The following TAB2 variants were observed in gnomAD, a reference collection of about 807,000 sequenced individuals.
TAB2 encodes the protein TGF-beta activated kinase 1 (MAP3K7) binding protein 2.
Under a neutral mutation model 65.0 loss-of-function variants are expected in TAB2, and 3 were observed. The observed-to-expected ratio is 0.05, with a 90% CI of 0.02 to 0.12. The LOEUF is 0.12. TAB2 is among the 10% of genes least tolerant of loss of function. The pLI is 1.00. For synonymous variants in TAB2, 298 were observed against 285.1 expected (o/e 1.05, Z -0.46); for missense variants, 623 against 840.3 (o/e 0.74, Z 3.20).
intron 1 of TAB2, among the ~76,000 whole-genome samples, chr6:149,326,354 A>G (rs925766152): frequency 5.9e-5 from 9 of 152,008 alleles, no homozygotes; most frequent in African/African-American, 1.9e-4. Flanking sequence ...TGTAGTGTAT[A>G]TACATGAAAT....
chr6:149,307,836 A>T (rs1305219552), intron 1 of TAB2, among the ~76,000 whole-genome samples: 1 of 152,210 alleles, frequency 6.6e-6, no homozygotes, highest in Non-Finnish European at 1.5e-5. Context: ...AGGTACAAAG[A>T]ATAAAACAAA....
At chr6:149,286,058 T>C (rs1244602523) in intron 1 of TAB2, among the ~76,000 whole-genome samples, 7 of 152,228 alleles carry the variant, frequency 4.6e-5, no homozygotes, top group Admixed American at 4.6e-4. Flanking sequence ...AGTGTTTCTT[T>C]AAAATAATTT....
chr6:149,254,703 G>A (rs746967638), intron 1 of TAB2, among the ~76,000 whole-genome samples: 16 of 152,162 alleles, frequency 1.1e-4, no homozygotes, highest in South Asian at 4.1e-4. Flanking sequence ...TAAACTGGAC[G>A]AGAAAGAGAA....
intron 1 of TAB2, among the ~76,000 whole-genome samples, chr6:149,265,435 T>G (rs796766018): frequency 1.8e-4 from 28 of 152,302 alleles, no homozygotes; most frequent in African/African-American, 6.7e-4. Context: ...CTTTCTCAGC[T>G]TCCCACAATT....
At chr6:149,343,522 T>C (rs981900773) in intron 1 of TAB2, among the ~76,000 whole-genome samples, 1 of 151,968 alleles carries the variant, frequency 6.6e-6, no homozygotes, top group African/African-American at 2.4e-5. Flanking sequence ...AAATTAGACA[T>C]ATTATTTCTG....
At chr6:149,377,162 C>T (rs1392262242) in intron 2 of TAB2, among the ~76,000 whole-genome samples, 1 of 151,266 alleles carries the variant, frequency 6.6e-6, no homozygotes, top group Non-Finnish European at 1.5e-5. Context: ...CTCCGCCTCC[C>T]AGGTTCACGC....
At chr6:149,318,701 G>C (rs1247607637) in intron 1 of TAB2, 3 of 152,350 alleles carry the variant, frequency 2.0e-5, no homozygotes, top group African/African-American at 7.2e-5. Context: ...TGGCGGTGCT[G>C]AACAGGTGAC....
intron 6 of TAB2, among the ~76,000 whole-genome samples, chr6:149,404,089 C>T (rs930162945): frequency 6.6e-6 from 1 of 152,026 alleles, no homozygotes; most frequent in African/African-American, 2.4e-5. Flanking sequence ...CTGAAGACTC[C>T]ACCAAAAACT....
At chr6:149,305,612 A>G (rs1779054151) in intron 1 of TAB2, among the ~76,000 whole-genome samples, 2 of 151,946 alleles carry the variant, frequency 1.3e-5, no homozygotes, top group Non-Finnish European at 2.9e-5. Flanking sequence ...AAAAAAAACA[A>G]TAGAACACAA....
At chr6:149,294,774 A>G (rs1048616266) in intron 1 of TAB2, among the ~76,000 whole-genome samples, 2 of 152,238 alleles carry the variant, frequency 1.3e-5, no homozygotes, top group African/African-American at 4.8e-5. Context: ...GGAAAGGCAC[A>G]GTAGACCTGG....
intron 1 of TAB2, among the ~76,000 whole-genome samples, chr6:149,324,134 C>T (rs1308778955): frequency 2.0e-5 from 3 of 151,892 alleles, no homozygotes; most frequent in African/African-American, 7.3e-5. Context: ...CAAAAACCGG[C>T]CTAGTACCAG....
intron 1 of TAB2, among the ~76,000 whole-genome samples, chr6:149,254,002 GAAAGA>G (rs1777931221): frequency 7.1e-6 from 1 of 140,490 alleles, no homozygotes; most frequent in African/African-American, 2.7e-5. Context: ...AAGAAAGAAA[GAAAGA>G]AAGAAAGAAA....
At chr6:149,402,406 G>C (rs1159652701) in intron 6 of TAB2, among the ~76,000 whole-genome samples, 2 of 152,106 alleles carry the variant, frequency 1.3e-5, no homozygotes, top group Admixed American at 6.6e-5. Flanking sequence ...TAGAAAGACT[G>C]AGTAGACCAA....
chr6:149,288,006 C>T (rs769265630), intron 1 of TAB2, among the ~76,000 whole-genome samples: 5 of 152,116 alleles, frequency 3.3e-5, no homozygotes, highest in South Asian at 2.1e-4. Flanking sequence ...AATTAAATTA[C>T]GCTTATGATT....
At chr6:149,310,565 TATA>T (rs1349366643) in intron 1 of TAB2, among the ~76,000 whole-genome samples, 9 of 151,450 alleles carry the variant, frequency 5.9e-5, no homozygotes, top group Admixed American at 2.0e-4. Context: ...AAATAATATA[TATA>T]TTTTTTTTAA....
At chr6:149,361,598 C>T (rs1307028244) in intron 1 of TAB2, among the ~76,000 whole-genome samples, 2 of 152,184 alleles carry the variant, frequency 1.3e-5, no homozygotes, top group African/African-American at 4.8e-5. Flanking sequence ...GCTGTTCGCA[C>T]TTGGCTCCTT....
At position 149,378,768 on chromosome 6, in the gene TAB2, A is replaced by C. The variant is rs149874061; in HGVS notation, c.853A>C (p.Met285Leu). ...AGGCCACCAGACCTCTCATGTCTACATGCCAATCAGTTCACCTACTACTTC... is the reference window on the plus strand; with the variant it reads ...AGGCCACCAGACCTCTCATGTCTACCTGCCAATCAGTTCACCTACTACTTC... Reference protein sequence around the residue: ...QQGHQTSHVYMPISSPTTSQP... With the variant: ...QQGHQTSHVYLPISSPTTSQP... Residue 285 changes from methionine (M) to leucine (L), a missense_variant, in exon 3 of 7, where the codon ATG (methionine) becomes CTG (leucine). Physicochemically the swap from Met to Leu is conservative, Grantham distance 15 (BLOSUM62 2). Coordinates refer to ENST00000637181, the MANE Select transcript of TAB2 (RefSeq NM_001292034.3). 1 of 1,614,072 alleles carries C rather than the reference A, an allele frequency of 6.2e-7. No homozygotes were observed. The highest frequency in any genetic ancestry group is 8.5e-7 in the Non-Finnish European group (1 of 1,180,014).
rs540645809 is a variant in TAB2 at position 149,293,230 on chromosome 6, G to GA, written c.-121+74461dup. Among the ~76,000 whole-genome samples the GA allele has an allele frequency of 3.8e-3, 574 of 152,114 alleles. 3 individuals are homozygous for GA. Among genetic ancestry groups the GA allele is most frequent in the Middle Eastern group, 0.027 (8 of 294 alleles). On this transcript the variant is annotated intron_variant, in intron 1 of 1. Coordinates refer to the TAB2 transcript ENST00000606202. ...AGTGTAAATGGAATTATTTCATTTA[G>GA]AAAAAAATCATTGAGTATAAAATGT...
intron 1 of TAB2, among the ~76,000 whole-genome samples, chr6:149,223,789 A>G (rs1225710533): frequency 6.6e-6 from 1 of 152,120 alleles, no homozygotes; most frequent in Non-Finnish European, 1.5e-5. Flanking sequence ...TTTTTTATAT[A>G]CCATCCCTAG....
Sources: allele counts gnomAD v4.1 joint callset (sites outside exome capture counted in the v4.1 genomes callset), GRCh38; gene constraint gnomAD v4.1.1; transcripts MANE v1.5; gene names NCBI Gene and HGNC (gene_info 2026-07-23, HGNC 2026-07-21).